The following SLC35D4 variants were observed in gnomAD, a reference collection of about 807,000 sequenced individuals.
The protein encoded by SLC35D4 is UDP-N-acetylglucosamine transporter SLC35D4.
the SLC35D4 span, among the ~76,000 whole-genome samples, chr18:23,276,037 C>G: frequency 6.6e-6 from 1 of 152,068 alleles, no homozygotes. Context: ...CTGCACAACA[C>G]TGTGAACATA....
the SLC35D4 span, among the ~76,000 whole-genome samples, chr18:23,427,406 A>T: frequency 6.6e-6 from 1 of 152,238 alleles, no homozygotes; most frequent in African/African-American, 2.4e-5. Context: ...CAGCCAACAG[A>T]CACATGAAAA....
chr18:23,244,811 G>A, the SLC35D4 span, among the ~76,000 whole-genome samples: 1 of 152,216 alleles, frequency 6.6e-6, no homozygotes, highest in Non-Finnish European at 1.5e-5. Context: ...AGCTCCTGGG[G>A]TGCAGGCAGC....
chr18:23,288,517 C>T, the SLC35D4 span, among the ~76,000 whole-genome samples: 1 of 151,842 alleles, frequency 6.6e-6, no homozygotes, highest in Admixed American at 6.6e-5. Flanking sequence ...TTATTCAGGC[C>T]CCCTCCCTTC....
the SLC35D4 span, chr18:23,421,231 G>A: frequency 9.4e-6 from 7 of 742,936 alleles, no homozygotes; most frequent in Non-Finnish European, 1.1e-5. Context: ...GAGACAGTGA[G>A]ACTCTGTCTC....
At chr18:23,437,788 G>T in the SLC35D4 span, 1 of 1,611,342 alleles carries the variant, frequency 6.2e-7, no homozygotes, top group South Asian at 1.1e-5. Context: ...CACCTTGTTC[G>T]TGAGGTAAGA....
the SLC35D4 span, among the ~76,000 whole-genome samples, chr18:23,303,481 C>G: frequency 6.6e-6 from 1 of 152,222 alleles, no homozygotes; most frequent in Non-Finnish European, 1.5e-5. Flanking sequence ...CATTTCCTCA[C>G]ACTGGAGAGC....
At chr18:23,376,705 C>A in the SLC35D4 span, 1 of 446,796 alleles carries the variant, frequency 2.2e-6, no homozygotes, top group African/African-American at 2.0e-5. Context: ...CTTCCCCATC[C>A]ATGGAGAATG....
At chr18:23,418,295 ACTT>A in the SLC35D4 span, among the ~76,000 whole-genome samples, 32 of 151,198 alleles carry the variant, frequency 2.1e-4, no homozygotes, top group African/African-American at 7.8e-4. Flanking sequence ...CCTTCATAAA[ACTT>A]CTTAATACTA....
the SLC35D4 span, among the ~76,000 whole-genome samples, chr18:23,389,646 C>A: frequency 6.6e-6 from 1 of 152,158 alleles, no homozygotes; most frequent in East Asian, 1.9e-4. Flanking sequence ...TCAAGCAACT[C>A]TCCTGCCCCA....
At chr18:23,309,919 C>T in the SLC35D4 span, among the ~76,000 whole-genome samples, 1 of 152,188 alleles carries the variant, frequency 6.6e-6, no homozygotes, top group Non-Finnish European at 1.5e-5. Flanking sequence ...CTGTACTTAG[C>T]GGTGCCTCTG....
the SLC35D4 span, among the ~76,000 whole-genome samples, chr18:23,351,074 A>C: frequency 6.6e-6 from 1 of 152,244 alleles, no homozygotes; most frequent in Non-Finnish European, 1.5e-5. Flanking sequence ...GCTACTTTTT[A>C]CATTCTGCTA....
At chr18:23,339,760 CACTTTCTCACGGCATCCTCAAGGTGGA>C in the SLC35D4 span, among the ~76,000 whole-genome samples, 1 of 152,188 alleles carries the variant, frequency 6.6e-6, no homozygotes, top group South Asian at 2.1e-4. Context: ...TCAGAGATGG[CACTTTCTCACGGCATCCTCAAGGTGGA>C]AGAAGCAAGG....
At chr18:23,291,657 C>T in the SLC35D4 span, among the ~76,000 whole-genome samples, 1 of 152,172 alleles carries the variant, frequency 6.6e-6, no homozygotes, top group African/African-American at 2.4e-5. Flanking sequence ...TGCACAACAG[C>T]TCAGGGCTCC....
chr18:23,415,511 C>T, the SLC35D4 span, among the ~76,000 whole-genome samples: 1 of 152,326 alleles, frequency 6.6e-6, no homozygotes, highest in South Asian at 2.1e-4. Context: ...AATGAAATTA[C>T]ACCTGAGCCT....
At chr18:23,384,007 G>C in the SLC35D4 span, among the ~76,000 whole-genome samples, 1 of 137,764 alleles carries the variant, frequency 7.3e-6, no homozygotes, top group African/African-American at 2.6e-5. Context: ...AAATTGGGGG[G>C]GGGGGGTGTG....
chr18:23,248,156 G>T, the SLC35D4 span, among the ~76,000 whole-genome samples: 1 of 152,266 alleles, frequency 6.6e-6, no homozygotes, highest in Non-Finnish European at 1.5e-5. Flanking sequence ...GGCTCTCAGG[G>T]GTCCTCTAAA....
chr18:23,291,868 C>A, the SLC35D4 span, among the ~76,000 whole-genome samples: 5 of 152,018 alleles, frequency 3.3e-5, no homozygotes, highest in East Asian at 1.9e-4. Context: ...GACAAGCCAC[C>A]ACTGCTTCTC....
the SLC35D4 span, among the ~76,000 whole-genome samples, chr18:23,340,874 G>T: frequency 2.6e-5 from 4 of 152,174 alleles, no homozygotes; most frequent in Admixed American, 6.5e-5. Flanking sequence ...TCTGACCTCC[G>T]CTGCTTCTTC....
chr18:23,360,047 C>T, the SLC35D4 span, among the ~76,000 whole-genome samples: 2 of 152,206 alleles, frequency 1.3e-5, no homozygotes, highest in Non-Finnish European at 2.9e-5. Context: ...AGAGCTCCTC[C>T]TTCCAATCAC....
Sources: allele counts gnomAD v4.1 joint callset (sites outside exome capture counted in the v4.1 genomes callset), GRCh38; gene constraint gnomAD v4.1.1; transcripts MANE v1.5; gene names NCBI Gene and HGNC (gene_info 2026-07-23, HGNC 2026-07-21).